The following FBXL7 variants were observed in gnomAD, a reference collection of about 807,000 sequenced individuals.
The protein encoded by FBXL7 is F-box/LRR-repeat protein 7.
A neutral mutation model predicts 38.3 loss-of-function variants in FBXL7; 12 were observed. The observed-to-expected ratio is 0.31, with a 90% CI of 0.20 to 0.51. The LOEUF is 0.51. FBXL7 is among the 20% of genes least tolerant of loss of function. The pLI is 0.98. For missense variants in FBXL7, 567 were observed against 676.4 expected (o/e 0.84, Z 1.79); for synonymous variants, 297 against 300.9 (o/e 0.99, Z 0.13).
chr5:15,891,410 C>A (rs1740895547), intron 2 of FBXL7, among the ~76,000 whole-genome samples: 1 of 152,254 alleles, frequency 6.6e-6, no homozygotes, highest in Middle Eastern at 3.4e-3. Flanking sequence ...GAAATGAAAT[C>A]CCCAATGTAA....
At chr5:15,697,349 A>G (rs1189496084) in intron 2 of FBXL7, among the ~76,000 whole-genome samples, 1 of 152,200 alleles carries the variant, frequency 6.6e-6, no homozygotes, top group Non-Finnish European at 1.5e-5. Flanking sequence ...GGTGGAAGAC[A>G]GAGACTCATA....
intron 2 of FBXL7, among the ~76,000 whole-genome samples, chr5:15,810,080 A>G (rs1283950771): frequency 6.6e-6 from 1 of 152,236 alleles, no homozygotes; most frequent in Non-Finnish European, 1.5e-5. Flanking sequence ...ATACATATCA[A>G]GAATAAAATC....
intron 2 of FBXL7, among the ~76,000 whole-genome samples, chr5:15,632,368 C>T (rs1741029876): frequency 2.0e-5 from 3 of 152,146 alleles, no homozygotes; most frequent in South Asian, 4.2e-4. Flanking sequence ...GAAACATCTA[C>T]ATGTGAAAGT....
rs191514161 is a variant in FBXL7 at position 15,847,753 on chromosome 5, G to A, written c.128-80137G>A. ...ATCAGGTGAAAGCCCTCAGAAGAGA[G>A]ACTAGGGCCTTGTTAAAGAGAAAAA... On this transcript the variant is annotated intron_variant, in intron 2 of 3. Transcript: ENST00000504595. 1.7e-4 allele frequency among the ~76,000 whole-genome samples: 26 copies of A among 152,278 alleles called. 1 individual carries two copies. In the East Asian group the frequency reaches 4.8e-3, roughly 28 times the overall value.
intron 2 of FBXL7, among the ~76,000 whole-genome samples, chr5:15,645,557 T>C (rs567223959): frequency 6.6e-6 from 1 of 152,314 alleles, no homozygotes; most frequent in Admixed American, 6.5e-5. Context: ...AACTGAGCTG[T>C]GCCCCAACTA....
chr5:15,759,012 A>G, intron 2 of FBXL7, among the ~76,000 whole-genome samples: 1 of 152,218 alleles, frequency 6.6e-6, no homozygotes, highest in East Asian at 1.9e-4. Context: ...ATGCTAGCAT[A>G]TGTATCTGCC....
chr5:15,570,213 C>T (rs1046478777), intron 1 of FBXL7, among the ~76,000 whole-genome samples: 4 of 152,190 alleles, frequency 2.6e-5, no homozygotes, highest in Non-Finnish European at 5.9e-5. Context: ...GTGAATCCAT[C>T]TGGTCCTGGA....
At chr5:15,914,549 G>A (rs1741531733) in intron 2 of FBXL7, among the ~76,000 whole-genome samples, 1 of 152,130 alleles carries the variant, frequency 6.6e-6, no homozygotes. Context: ...AATATCTTCT[G>A]AGTAGATTAA....
At chr5:15,914,030 A>G (rs1741515402) in intron 2 of FBXL7, among the ~76,000 whole-genome samples, 1 of 152,204 alleles carries the variant, frequency 6.6e-6, no homozygotes, top group South Asian at 2.1e-4. Context: ...ATTCTGGGCC[A>G]ATGTAAAAGT....
At chr5:15,563,184 T>C (rs1289080401) in intron 1 of FBXL7, among the ~76,000 whole-genome samples, 3 of 152,092 alleles carry the variant, frequency 2.0e-5, no homozygotes, top group African/African-American at 7.2e-5. Context: ...GGCAAGTTGT[T>C]TTTCAGTGAT....
intron 2 of FBXL7, among the ~76,000 whole-genome samples, chr5:15,653,329 A>C (rs1409685877): frequency 6.6e-6 from 1 of 152,230 alleles, no homozygotes; most frequent in Non-Finnish European, 1.5e-5. Flanking sequence ...TATGAGGCAC[A>C]ATAAAGCAAA....
chr5:15,935,088 A>T, intron 3 of FBXL7: 1 of 517,834 alleles, frequency 1.9e-6, no homozygotes, highest in South Asian at 1.4e-5. Context: ...TCCAGTGCTC[A>T]GAGGCTGGAG....
intron 1 of FBXL7, among the ~76,000 whole-genome samples, chr5:15,577,260 C>G (rs6895002): frequency 6.6e-6 from 1 of 151,924 alleles, no homozygotes; most frequent in African/African-American, 2.4e-5. Context: ...TCCACGTCCT[C>G]GTGGCGTTAA....
chr5:15,560,389 T>C (rs1341954726), intron 1 of FBXL7, among the ~76,000 whole-genome samples: 1 of 152,202 alleles, frequency 6.6e-6, no homozygotes, highest in Non-Finnish European at 1.5e-5. Flanking sequence ...AATCAAGTGA[T>C]GCTTGGAAAC....
At chr5:15,680,830 G>A (rs915081258) in intron 2 of FBXL7, among the ~76,000 whole-genome samples, 1 of 152,112 alleles carries the variant, frequency 6.6e-6, no homozygotes, top group African/African-American at 2.4e-5. Context: ...TTCATAAATG[G>A]CCATAATAAT....
At chr5:15,810,464 G>GGCAGGAGAATCACTTGAAC (rs1737828752) in intron 2 of FBXL7, among the ~76,000 whole-genome samples, 1 of 151,858 alleles carries the variant, frequency 6.6e-6, no homozygotes, top group African/African-American at 2.4e-5. Flanking sequence ...GGGAGGCTGA[G>GGCAGGAGAATCACTTGAAC]GCAGGAGAAT....
intron 2 of FBXL7, among the ~76,000 whole-genome samples, chr5:15,830,088 C>T (rs1309332105): frequency 6.6e-6 from 1 of 152,150 alleles, no homozygotes; most frequent in African/African-American, 2.4e-5. Flanking sequence ...TGCATTTATT[C>T]TGAAGCCACT....
At chr5:15,836,492 C>G (rs1700068683) in intron 2 of FBXL7, among the ~76,000 whole-genome samples, 2 of 151,968 alleles carry the variant, frequency 1.3e-5, no homozygotes, top group African/African-American at 4.8e-5. Flanking sequence ...TAAACCTCAT[C>G]AGGAAGGTAA....
At chr5:15,524,017 TA>T (rs894659766) in intron 1 of FBXL7, among the ~76,000 whole-genome samples, 8 of 152,228 alleles carry the variant, frequency 5.3e-5, no homozygotes, top group African/African-American at 1.9e-4. Context: ...ATTTGGGTGT[TA>T]GGGGAGATGA....
Sources: allele counts gnomAD v4.1 joint callset (sites outside exome capture counted in the v4.1 genomes callset), GRCh38; gene constraint gnomAD v4.1.1; transcripts MANE v1.5; gene names NCBI Gene and HGNC (gene_info 2026-07-23, HGNC 2026-07-21).